Variants in SYNE1 observed in about 807,000 individuals in gnomAD.
SYNE1 encodes nesprin-1.
Under a neutral mutation model 1,111.0 loss-of-function variants are expected in SYNE1, and 616 were observed. The ratio of observed to expected loss-of-function variants is 0.55; its 90% CI spans 0.52 to 0.59. The LOEUF is 0.59. Among genes scored for constraint, SYNE1 ranks in the 20% least tolerant of loss-of-function variants. The pLI, the probability that SYNE1 is intolerant of heterozygous loss-of-function variation, is 0.00. For synonymous variants in SYNE1, 3,855 were observed against 3,825.8 expected (o/e 1.01, Z -0.28); for missense variants, 10,006 against 10,417.0 (o/e 0.96, Z 1.72).
At chr6:152,577,550 G>A (rs12528969) in intron 3 of SYNE1, among the ~76,000 whole-genome samples, 31,067 of 151,912 alleles carry the variant, frequency 0.2, 3,583 homozygotes, top group African/African-American at 0.28. Flanking sequence ...GGAGAATGGC[G>A]TGACCCCGGG....
chr6:152,463,817 A>G (rs1347836714), intron 18 of SYNE1, among the ~76,000 whole-genome samples: 2 of 152,192 alleles, frequency 1.3e-5, no homozygotes, highest in Non-Finnish European at 2.9e-5. Context: ...CTGTAAGTGT[A>G]AGAGACCTGT....
intron 140 of SYNE1, among the ~76,000 whole-genome samples, chr6:152,138,914 A>G (rs1230017044): frequency 6.6e-6 from 1 of 152,236 alleles, no homozygotes; most frequent in African/African-American, 2.4e-5. Flanking sequence ...TCAAACGCAA[A>G]TGCCAGGTGT....
At chr6:152,440,783 G>T (rs543751669) in intron 32 of SYNE1, among the ~76,000 whole-genome samples, 1 of 151,968 alleles carries the variant, frequency 6.6e-6, no homozygotes, top group South Asian at 2.1e-4. Flanking sequence ...GGTCAGGATG[G>T]TTTCAATCTC....
chr6:152,548,370 G>A (rs532372548), intron 3 of SYNE1, among the ~76,000 whole-genome samples: 5 of 152,138 alleles, frequency 3.3e-5, no homozygotes, highest in Non-Finnish European at 7.4e-5. Flanking sequence ...TGGACAAAAC[G>A]AACTGGCCAC....
At chr6:152,445,332 T>C (rs886395067) in intron 29 of SYNE1, among the ~76,000 whole-genome samples, 2 of 152,112 alleles carry the variant, frequency 1.3e-5, no homozygotes, top group Non-Finnish European at 2.9e-5. Flanking sequence ...AAAATAAATA[T>C]AATTTACAAT....
intron 4 of SYNE1, among the ~76,000 whole-genome samples, chr6:152,538,079 C>A (rs1564722794): frequency 1.3e-5 from 2 of 152,238 alleles, no homozygotes; most frequent in East Asian, 1.9e-4. Context: ...GTTCCAACCT[C>A]TAGCTATTAA....
intron 13 of SYNE1, among the ~76,000 whole-genome samples, chr6:152,483,634 A>C (rs1234724385): frequency 6.6e-6 from 1 of 152,158 alleles, no homozygotes; most frequent in Non-Finnish European, 1.5e-5. Context: ...GCACATGTGT[A>C]TCTTGGTCGT....
At position 152,444,488 on chromosome 6, in the gene SYNE1, C is replaced by A; in HGVS notation, c.3760G>T (p.Glu1254Ter). The change falls in exon 30 of 146, where the codon GAA becomes TAA. Residue 1254 changes from glutamate (E) to a stop codon, truncating the protein, a stop_gained. Coordinates refer to ENST00000367255, the MANE Select transcript of SYNE1 (RefSeq NM_182961.4). LOFTEE classifies it high-confidence loss of function. The part of the protein sequence containing the change: ...SLEELISGSK[E>*]VQEQAEKILD... ...ATCTTCTCAGCTTGTTCCTGGACTT[C>A]TTTAGAGCCAGAAATTAATTCTTCG... 1 of 1,613,850 alleles carries A rather than the reference C, an allele frequency of 6.2e-7. No individual in the cohort carries two copies. Among genetic ancestry groups the A allele is most frequent in the Non-Finnish European group, 8.5e-7 (1 of 1,179,918 alleles).
rs1477560269 is a variant in SYNE1, at chr6:152,269,297, C to G, written c.18574-11G>C. ...CTCCTGTGCTGTTCCCTGCTTTTAACGAGGCAGAAATCAAGTCATGCTACA... is the reference window on the plus strand; with the variant it reads ...CTCCTGTGCTGTTCCCTGCTTTTAAGGAGGCAGAAATCAAGTCATGCTACA... On this transcript the variant is annotated splice_polypyrimidine_tract_variant and intron_variant, in intron 98 of 145. Coordinates refer to ENST00000367255, the MANE Select transcript of SYNE1 (RefSeq NM_182961.4). The G allele has an allele frequency of 3.7e-6, 6 of 1,613,974 alleles. No individual in the cohort carries two copies. In the East Asian group the frequency reaches 1.3e-4, roughly 36 times the overall value.
intron 128 of SYNE1, among the ~76,000 whole-genome samples, chr6:152,183,180 ACT>A (rs1205600673): frequency 6.6e-6 from 1 of 152,110 alleles, no homozygotes; most frequent in Non-Finnish European, 1.5e-5. Context: ...CAGATTGAGA[ACT>A]CTCTGGTGAA....
At chr6:152,632,573 A>G (rs1432247527) in intron 2 of SYNE1, among the ~76,000 whole-genome samples, 1 of 152,202 alleles carries the variant, frequency 6.6e-6, no homozygotes, top group East Asian at 1.9e-4. Flanking sequence ...GGTTCTATGC[A>G]TGAAGGTCCT....
rs1476492472 is a variant in SYNE1 at position 152,224,560 on chromosome 6, A to G, written c.21456T>C (p.Ser7152=). The G allele has an allele frequency of 2.5e-6, 4 of 1,614,064 alleles. No individual in the cohort carries two copies. In the South Asian group the frequency reaches 3.3e-5, roughly 13 times the overall value. The change falls in exon 117 of 146, where the codon TCT becomes TCC. Residue 7152 remains serine (S), a synonymous_variant. Transcript: ENST00000367255. ...INSYLMEARY[S]LSRFRLLTGS... Reference sequence around the variant, plus strand: ...CAGTCAGCAGACGGAATCGGGAAAGAGAGTATCTGGCCTCCATGAGGTAAC... The same window carrying G: ...CAGTCAGCAGACGGAATCGGGAAAGGGAGTATCTGGCCTCCATGAGGTAAC...
intron 130 of SYNE1, chr6:152,167,882 A>G (rs1215419866): frequency 1.4e-6 from 1 of 727,170 alleles, no homozygotes; most frequent in Non-Finnish European, 2.6e-6. Flanking sequence ...ACAGAGTCAT[A>G]ATAAAGTCCA....
chr6:152,366,102 G>A (rs999744696), intron 62 of SYNE1, among the ~76,000 whole-genome samples: 3 of 152,260 alleles, frequency 2.0e-5, no homozygotes, highest in Admixed American at 1.3e-4. Context: ...GGAGGCCAAG[G>A]TGGGCAGGTC....
At chr6:152,278,394 A>C in intron 97 of SYNE1, 114 bp from the exon 98 acceptor site, 7 of 1,290,774 alleles carry the variant, frequency 5.4e-6, no homozygotes, top group Non-Finnish European at 7.8e-6. Context: ...ACAGGCTTTC[A>C]TGATTTTTTG....
chr6:152,462,466 G>A (rs1046587007), intron 20 of SYNE1: 8 of 574,690 alleles, frequency 1.4e-5, no homozygotes, highest in African/African-American at 1.3e-4. Flanking sequence ...ATCTATAGAT[G>A]TCTCCTGTTT....
rs575668487 is a variant in SYNE1 at position 152,481,724 on chromosome 6, G to T, written c.1350+1361C>A. Among the ~76,000 whole-genome samples the T allele has an allele frequency of 6.6e-5, 10 of 151,092 alleles. No homozygotes were observed. The East Asian group carries it at 1.2e-3, about 18-fold the overall frequency. ...TTTTCTCTATTTTTAATATACTGGGGTGATTCAAAATTGACATGGCCCAGG... is the reference window on the plus strand; with the variant it reads ...TTTTCTCTATTTTTAATATACTGGGTTGATTCAAAATTGACATGGCCCAGG... On this transcript the variant is annotated intron_variant, in intron 14 of 145. Transcript: ENST00000367255.
intron 59 of SYNE1, among the ~76,000 whole-genome samples, chr6:152,370,809 T>C (rs9371595): frequency 0.11 from 16,777 of 152,186 alleles, 1,105 homozygotes; most frequent in African/African-American, 0.18. Flanking sequence ...GAGAGAATAG[T>C]TCAAGGTTCC....
At chr6:152,512,069 G>T (rs866559122) in intron 6 of SYNE1, among the ~76,000 whole-genome samples, 4 of 150,640 alleles carry the variant, frequency 2.7e-5, no homozygotes, top group Admixed American at 2.6e-4. Context: ...TTAATAAAAA[G>T]CTCAGATGTT....
Sources: gnomAD v4.1 joint callset for allele counts (sites outside exome capture counted in the v4.1 genomes callset) on GRCh38, gnomAD v4.1.1 for gene constraint, MANE v1.5 for transcripts, NCBI Gene and HGNC (gene_info 2026-07-23, HGNC 2026-07-21) for gene names.